The following FNDC3B variants were observed in gnomAD, a reference collection of about 807,000 sequenced individuals.
FNDC3B encodes the protein fibronectin type III domain containing 3B.
Under a neutral mutation model 151.5 loss-of-function variants are expected in FNDC3B, and 12 were observed. That is an observed-to-expected ratio of 0.08 (90% CI 0.05 to 0.13). FNDC3B has a LOEUF of 0.13. Among genes scored for constraint, FNDC3B ranks in the 10% least tolerant of loss-of-function variants. The pLI is 1.00. For missense variants in FNDC3B, 1,214 were observed against 1,505.3 expected, an observed-to-expected ratio of 0.81 and a Z score of 3.20; for synonymous variants, 528 against 549.0, an observed-to-expected ratio of 0.96 and a Z score of 0.54.
intron 3 of FNDC3B, among the ~76,000 whole-genome samples, chr3:172,197,274 T>C (rs1724887172): frequency 6.6e-6 from 1 of 152,188 alleles, no homozygotes; most frequent in African/African-American, 2.4e-5. Flanking sequence ...ACAAATACGG[T>C]GCAAAATACT....
chr3:172,314,091 A>G lies in FNDC3B; in HGVS notation c.1254+3210A>G, dbSNP rs539715433. The stretch of plus-strand genomic sequence containing the variant: ...CCTTCTGCTGGTAGTTTCTACAGCC[A>G]GGTGCATCTCTTTGGTACCAGGACT... On this transcript the variant is annotated intron_variant, in intron 11 of 25. Coordinates refer to ENST00000415807, the MANE Select transcript of FNDC3B (RefSeq NM_022763.4). Among the ~76,000 whole-genome samples, 4 of 152,330 alleles carry G rather than the reference A, an allele frequency of 2.6e-5. No homozygotes were observed. In the South Asian group the frequency reaches 8.3e-4, roughly 32 times the overall value.
chr3:172,091,212 A>T (rs1718810516), intron 1 of FNDC3B, among the ~76,000 whole-genome samples: 1 of 152,254 alleles, frequency 6.6e-6, no homozygotes, highest in African/African-American at 2.4e-5. Context: ...ACTGTTATAG[A>T]TACAAGTATG....
chr3:172,136,342 A>G (rs771506299), intron 3 of FNDC3B, among the ~76,000 whole-genome samples: 2 of 152,162 alleles, frequency 1.3e-5, no homozygotes, highest in Non-Finnish European at 2.9e-5. Flanking sequence ...AGTGAGATCT[A>G]CTGGTTGAGC....
chr3:172,251,435 C>T lies in FNDC3B; in HGVS notation c.684C>T (p.Gly228=), dbSNP rs1221431701. 2.5e-6 allele frequency: 4 copies of T among 1,613,892 alleles called. No individual in the cohort carries two copies. Among genetic ancestry groups the T allele is most frequent in the Non-Finnish European group, 3.4e-6 (4 of 1,179,982 alleles). The part of the protein sequence containing the change: ...CTTVYNGYGK[G]HSGGSGGGGS... ...CAGTATACAATGGCTATGGGAAGGGCCATAGTGGTGGAAGTGGCGGAGGCG... is the reference window on the plus strand; with the variant it reads ...CAGTATACAATGGCTATGGGAAGGGTCATAGTGGTGGAAGTGGCGGAGGCG... Residue 228 remains glycine (G), a synonymous_variant, in exon 6 of 26, where the codon GGC becomes GGT. Coordinates refer to ENST00000415807, the MANE Select transcript of FNDC3B (RefSeq NM_022763.4).
At chr3:172,388,225 C>T (rs1203337272) in intron 25 of FNDC3B, among the ~76,000 whole-genome samples, 3 of 152,078 alleles carry the variant, frequency 2.0e-5, no homozygotes, top group Non-Finnish European at 4.4e-5. Flanking sequence ...TTCTCGCCAC[C>T]CTTCCCAAAA....
chr3:172,293,509 G>T (rs769106393), intron 7 of FNDC3B, among the ~76,000 whole-genome samples: 7 of 152,170 alleles, frequency 4.6e-5, no homozygotes, highest in Non-Finnish European at 7.3e-5. Context: ...GATCACAGTT[G>T]ACTATGACTT....
intron 3 of FNDC3B, among the ~76,000 whole-genome samples, chr3:172,221,594 G>A (rs996563092): frequency 6.6e-6 from 1 of 152,168 alleles, no homozygotes. Context: ...AACCACTGCA[G>A]CAGAGTTCGA....
chr3:172,056,126 A>G (rs1311235466), intron 1 of FNDC3B, among the ~76,000 whole-genome samples: 1 of 152,022 alleles, frequency 6.6e-6, no homozygotes, highest in East Asian at 1.9e-4. Context: ...TCCAAATCCT[A>G]GTTTCCACTG....
chr3:172,153,266 A>C (rs1235689966), intron 3 of FNDC3B, among the ~76,000 whole-genome samples: 1 of 152,210 alleles, frequency 6.6e-6, no homozygotes, highest in Non-Finnish European at 1.5e-5. Context: ...TATCTGGGGA[A>C]CATTGAAAAA....
chr3:172,333,192 G>T lies in FNDC3B; in HGVS notation c.1641+17G>T, dbSNP rs73035137. The T allele has an allele frequency of 1.4e-6, 2 of 1,473,636 alleles. No homozygotes were observed. The highest frequency in any genetic ancestry group is 1.7e-5 in the Admixed American group (1 of 59,732). 91.3% of individuals were successfully genotyped at this position (1,473,636 alleles called of 1,614,324 possible). On this transcript the variant is annotated intron_variant, in intron 14 of 25. Coordinates refer to ENST00000415807, the MANE Select transcript of FNDC3B (RefSeq NM_022763.4). Reference sequence around the variant, plus strand: ...AAATTCAGGGTGAGTCAGTCATTTTGCTACCTGAACTGCTTAAAAATGAAA... The same window carrying T: ...AAATTCAGGGTGAGTCAGTCATTTTTCTACCTGAACTGCTTAAAAATGAAA...
chr3:172,062,025 T>C (rs1717225432), intron 1 of FNDC3B, among the ~76,000 whole-genome samples: 1 of 152,150 alleles, frequency 6.6e-6, no homozygotes, highest in Non-Finnish European at 1.5e-5. Context: ...AGAAAAGAAG[T>C]TACGTGAGGT....
intron 1 of FNDC3B, among the ~76,000 whole-genome samples, chr3:172,054,496 A>AGGG (rs1489998819): frequency 6.6e-6 from 1 of 152,158 alleles, no homozygotes; most frequent in Non-Finnish European, 1.5e-5. Context: ...GTGTTTGTGG[A>AGGG]GGGGTGTAGA....
chr3:172,370,663 T>A (rs2108355692), intron 23 of FNDC3B, among the ~76,000 whole-genome samples: 1 of 152,362 alleles, frequency 6.6e-6, no homozygotes, highest in East Asian at 1.9e-4. Flanking sequence ...AAGGTCTGTG[T>A]GTATCTTTTT....
chr3:172,212,422 C>T (rs887181168), intron 3 of FNDC3B, among the ~76,000 whole-genome samples: 1 of 152,104 alleles, frequency 6.6e-6, no homozygotes. Context: ...TGAACTGGTC[C>T]GTAGCACATC....
At chr3:172,362,118 T>G (rs1734394535) in intron 22 of FNDC3B, among the ~76,000 whole-genome samples, 1 of 152,240 alleles carries the variant, frequency 6.6e-6, no homozygotes, top group African/African-American at 2.4e-5. Flanking sequence ...ATCCCATTAC[T>G]AACAATATCT....
rs1281842927 is a variant in FNDC3B at position 172,341,373 on chromosome 3, A to G, written c.1971+142A>G. The G allele has an allele frequency of 9.9e-6, 7 of 708,164 alleles. No individual in the cohort carries two copies. In the African/African-American group the frequency reaches 1.2e-4, roughly 12 times the overall value. 43.9% of individuals were successfully genotyped at this position (708,164 alleles called of 1,614,324 possible). A position where few individuals can be genotyped will look rare whatever the true frequency, so the allele number is the denominator to read the frequency against. ...TATCATGTCAGGAAATGAAAAATAG[A>G]GCTTTCTGAATTGCTGTTTAGAGGT... On this transcript the variant is annotated intron_variant, in intron 17 of 25. Coordinates refer to ENST00000415807, the MANE Select transcript of FNDC3B (RefSeq NM_022763.4).
At chr3:172,343,945 G>T in intron 18 of FNDC3B, 141 bp from the exon 19 acceptor site, 1 of 673,234 alleles carries the variant, frequency 1.5e-6, no homozygotes, top group East Asian at 2.6e-5. Flanking sequence ...CTCTTTTTTG[G>T]TGGGCATGGA....
chr3:172,170,320 G>A lies in FNDC3B; in HGVS notation c.187+36774G>A, dbSNP rs147503152. Among the ~76,000 whole-genome samples the A allele has an allele frequency of 5.7e-3, 870 of 152,244 alleles. 34 individuals carry two copies. The highest frequency in any genetic ancestry group is 0.054 in the Admixed American group (826 of 15,284). On this transcript the variant is annotated intron_variant, in intron 3 of 25. Transcript: ENST00000415807. ...TGTTTCTCTCCTTCCCCCGTGTTCC[G>A]CTTTGCCCAAGTCAACAAGCCATGG...
chr3:172,245,862 T>C (rs1282121629), intron 4 of FNDC3B, among the ~76,000 whole-genome samples: 1 of 152,214 alleles, frequency 6.6e-6, no homozygotes, highest in African/African-American at 2.4e-5. Flanking sequence ...TATTATCTTA[T>C]TTATGAACTA....
Sources: gnomAD v4.1 joint callset for allele counts (sites outside exome capture counted in the v4.1 genomes callset) on GRCh38, gnomAD v4.1.1 for gene constraint, MANE v1.5 for transcripts, NCBI Gene and HGNC (gene_info 2026-07-23, HGNC 2026-07-21) for gene names.